GNB1L: variants seen among roughly 807,000 people sequenced by gnomAD.
The protein encoded by GNB1L is G protein subunit beta 1 like.
In GNB1L, 20 loss-of-function variants were observed where a neutral mutation model predicts 29.1. The ratio of observed to expected loss-of-function variants is 0.69; its 90% CI spans 0.48 to 1.00. The LOEUF (loss-of-function observed/expected upper bound fraction) is 1.00, where lower values mean the gene tolerates loss of function less well. Among genes scored for constraint, GNB1L ranks in the 50% least tolerant of loss-of-function variants. GNB1L has a pLI of 0.00. For synonymous variants in GNB1L, 193 were observed against 206.5 expected (o/e 0.93, Z 0.56); for missense variants, 421 against 464.9 (o/e 0.91, Z 0.87).
At chr22:19,807,073 CG>C (rs2060503239) in intron 5 of GNB1L, among the ~76,000 whole-genome samples, 1 of 151,648 alleles carries the variant, frequency 6.6e-6, no homozygotes, top group African/African-American at 2.4e-5. Flanking sequence ...GCTTTACATA[CG>C]AACCAGTGTG....
At chr22:19,851,864 T>C in intron 2 of GNB1L, 2 of 1,613,970 alleles carry the variant, frequency 1.2e-6, no homozygotes, top group Non-Finnish European at 1.7e-6. Context: ...GATGTTGTCC[T>C]GATAGTGCTC....
chr22:19,821,304 C>T lies in GNB1L; in HGVS notation c.52G>A (p.Gly18Ser), dbSNP rs1440438768. 5.6e-6 allele frequency: 9 copies of T among 1,612,978 alleles called. No homozygotes were observed. The highest frequency in any genetic ancestry group is 1.3e-5 in the African/African-American group (1 of 74,904). The change falls in exon 3 of 8, where the codon GGC becomes AGC. Residue 18 changes from glycine to serine, a missense_variant. Gly to Ser is a moderately conservative substitution (Grantham distance 56, BLOSUM62 0). Coordinates refer to ENST00000329517, the MANE Select transcript of GNB1L (RefSeq NM_053004.3). ...AGCGCATGCACCGGTGACTGGGTGC[C>T]TCGGAGGACAAACTGGGGGTCTGGA... ...PPPDPQFVLR[G>S]TQSPVHALHF...
At chr22:19,809,918 G>C (rs1258541673) in intron 5 of GNB1L, among the ~76,000 whole-genome samples, 1 of 152,158 alleles carries the variant, frequency 6.6e-6, no homozygotes, top group Non-Finnish European at 1.5e-5. Flanking sequence ...GGGACTACAG[G>C]TGTGCGGCCA....
chr22:19,849,935 C>T, intron 2 of GNB1L: 1 of 985,550 alleles, frequency 1.0e-6, no homozygotes, highest in South Asian at 4.7e-5. Context: ...ACTAGAAAAC[C>T]CCTCCTTGTG....
chr22:19,800,307 C>A lies in GNB1L; in HGVS notation c.732+1694G>T, dbSNP rs563628047. Among the ~76,000 whole-genome samples the A allele has an allele frequency of 2.0e-5, 3 of 152,286 alleles. No homozygotes were observed. In the South Asian group the frequency reaches 6.2e-4, roughly 32 times the overall value. ...GGGCCCCTTCCTGGGGTCCTGGGCA[C>A]AGAGGTGGAAACTGCAGAGAAGAGC... is the stretch of plus-strand genomic sequence containing the variant. On this transcript the variant is annotated intron_variant, in intron 7 of 7. Coordinates refer to ENST00000329517, the MANE Select transcript of GNB1L (RefSeq NM_053004.3).
chr22:19,829,809 G>A (rs1043043762), intron 2 of GNB1L, among the ~76,000 whole-genome samples: 9 of 151,970 alleles, frequency 5.9e-5, no homozygotes, highest in Admixed American at 2.6e-4. Flanking sequence ...ATTAAAATAC[G>A]TAAACAAACA....
chr22:19,840,158 C>T (rs1937834804), intron 2 of GNB1L, among the ~76,000 whole-genome samples: 1 of 152,030 alleles, frequency 6.6e-6, no homozygotes, highest in South Asian at 2.1e-4. Context: ...TTTCAGACTG[C>T]AATTGACCAT....
chr22:19,838,414 G>A (rs1937801535), intron 2 of GNB1L, among the ~76,000 whole-genome samples: 1 of 151,928 alleles, frequency 6.6e-6, no homozygotes, highest in Non-Finnish European at 1.5e-5. Flanking sequence ...AATGCAAAAT[G>A]GTGCCCACAC....
At chr22:19,809,199 C>A (rs369639922) in intron 5 of GNB1L, among the ~76,000 whole-genome samples, 2 of 151,404 alleles carry the variant, frequency 1.3e-5, no homozygotes, top group Non-Finnish European at 2.9e-5. Flanking sequence ...AGTGGCTGGA[C>A]GTTGAGAGGA....
intron 2 of GNB1L, chr22:19,850,357 A>T: frequency 3.0e-6 from 3 of 986,256 alleles, no homozygotes; most frequent in South Asian, 9.4e-5. Context: ...TCATTTACAC[A>T]CTAGGGCTTA....
intron 7 of GNB1L, among the ~76,000 whole-genome samples, chr22:19,791,356 G>A (rs1317050705): frequency 2.6e-5 from 4 of 152,248 alleles, no homozygotes; most frequent in African/African-American, 9.6e-5. Flanking sequence ...TCTTCTTGCT[G>A]TAAACAACCA....
intron 5 of GNB1L, 45 bp from the exon 6 acceptor site, chr22:19,806,802 G>T: frequency 1.5e-6 from 2 of 1,309,126 alleles, no homozygotes; most frequent in Non-Finnish European, 2.2e-6. Context: ...GCCAAGTCGA[G>T]TCTGCGCTAT....
chr22:19,792,160 T>C, intron 7 of GNB1L: 1 of 579,210 alleles, frequency 1.7e-6, no homozygotes, highest in East Asian at 2.8e-5. Flanking sequence ...ATATGACCCA[T>C]AGTCAAGGGG....
chr22:19,824,949 T>C (rs1161835528), intron 2 of GNB1L, among the ~76,000 whole-genome samples: 1 of 152,240 alleles, frequency 6.6e-6, no homozygotes, highest in East Asian at 1.9e-4. Context: ...GCCCTCGGGC[T>C]GCACAGCCCT....
chr22:19,789,107 C>T (rs1424724230), intron 7 of GNB1L, 147 bp from the exon 8 acceptor site: 2 of 839,922 alleles, frequency 2.4e-6, no homozygotes, highest in South Asian at 1.7e-5. Context: ...CAGCTGACCT[C>T]CCACTCTTCC....
intron 2 of GNB1L, among the ~76,000 whole-genome samples, chr22:19,830,509 A>C (rs1287203038): frequency 3.2e-4 from 49 of 152,188 alleles, no homozygotes. Context: ...CATGAAGAAA[A>C]TGTTAAAATT....
chr22:19,851,206 C>T lies in GNB1L; in HGVS notation c.-21+3237G>A, dbSNP rs139224416. 1,170 of 1,593,590 alleles carry T rather than the reference C, an allele frequency of 7.3e-4. 6 individuals carry two copies. The African/African-American group carries it at 0.012, about 17-fold the overall frequency. ...AAAGTGGTGGCTCTCCTGGGGTCTC[C>T]GGGGCCTCCACCACCTCCTGTGGGG... On this transcript the variant is annotated intron_variant, in intron 2 of 7. Coordinates refer to ENST00000329517, the MANE Select transcript of GNB1L (RefSeq NM_053004.3).
intron 2 of GNB1L, chr22:19,851,412 G>A (rs1938094486): frequency 6.2e-7 from 1 of 1,613,974 alleles, no homozygotes; most frequent in Non-Finnish European, 8.5e-7. Flanking sequence ...GGTTCCACAG[G>A]ACCAGGCTTG....
Position 19,802,159 on chromosome 22 carries a change from G to A in GNB1L, c.574C>T (p.Leu192=), listed in dbSNP as rs1008941921. 6.2e-6 allele frequency: 10 copies of A among 1,613,146 alleles called. No homozygotes were observed. The Middle Eastern group carries it at 4.9e-4, about 80-fold the overall frequency. The change falls in exon 7 of 8, where the codon CTG becomes TTG. Residue 192 remains leucine (L), a synonymous_variant. Coordinates refer to ENST00000329517, the MANE Select transcript of GNB1L (RefSeq NM_053004.3). ...ACCTTCTGCTCAGAGACGTCCCACA[G>A]GACCACCGATCCATCCTCATAGCCG... ...LAGYEDGSVV[L]WDVSEQKVCS...
Sources: gnomAD v4.1 joint callset for allele counts (sites outside exome capture counted in the v4.1 genomes callset) on GRCh38, gnomAD v4.1.1 for gene constraint, MANE v1.5 for transcripts, NCBI Gene and HGNC (gene_info 2026-07-23, HGNC 2026-07-21) for gene names.